BLTP3B: variants seen among roughly 807,000 people sequenced by gnomAD.
The protein encoded by BLTP3B is bridge-like lipid transfer protein family member 3B, also known as UHRF1 (ICBP90) binding protein 1-like.
At chr12:100,102,703 T>C in the BLTP3B span, 11 of 492,538 alleles carry the variant, frequency 2.2e-5, no homozygotes, top group African/African-American at 2.6e-4. Flanking sequence ...GTTAAGGCTT[T>C]TTTTTTTTTT....
chr12:100,058,789 G>A, the BLTP3B span: 1 of 1,613,966 alleles, frequency 6.2e-7, no homozygotes, highest in Non-Finnish European at 8.5e-7. Flanking sequence ...GACTCATGCA[G>A]GAAAAGTAGA....
the BLTP3B span, chr12:100,070,303 TGA>T: frequency 9.5e-7 from 1 of 1,050,508 alleles, no homozygotes; most frequent in Non-Finnish European, 1.2e-6. Flanking sequence ...TTTTTTTTTT[TGA>T]GACGGAGTTT....
chr12:100,116,062 C>T, the BLTP3B span, among the ~76,000 whole-genome samples: 2 of 151,654 alleles, frequency 1.3e-5, no homozygotes, highest in African/African-American at 4.9e-5. Flanking sequence ...ATCCCAGTTA[C>T]TCAGGAGGCT....
At chr12:100,057,515 T>A in the BLTP3B span, 20 of 1,414,218 alleles carry the variant, frequency 1.4e-5, no homozygotes, top group African/African-American at 2.9e-5. Context: ...AAGCATCCCT[T>A]TTCTCCTAAG....
chr12:100,080,289 G>A, the BLTP3B span, among the ~76,000 whole-genome samples: 10 of 152,096 alleles, frequency 6.6e-5, no homozygotes, highest in Non-Finnish European at 1.2e-4. Flanking sequence ...GCAGCCAAGA[G>A]GAAGGCTGTA....
At chr12:100,089,715 G>C in the BLTP3B span, among the ~76,000 whole-genome samples, 1 of 152,134 alleles carries the variant, frequency 6.6e-6, no homozygotes, top group East Asian at 1.9e-4. Flanking sequence ...CTTAAAGGCA[G>C]TTTATTTGAA....
chr12:100,071,945 A>G, the BLTP3B span, among the ~76,000 whole-genome samples: 1 of 152,268 alleles, frequency 6.6e-6, no homozygotes, highest in South Asian at 2.1e-4. Context: ...AGTAAGTTGA[A>G]TATCTGGAAT....
At chr12:100,139,328 T>C in the BLTP3B span, among the ~76,000 whole-genome samples, 1 of 152,186 alleles carries the variant, frequency 6.6e-6, no homozygotes, top group Non-Finnish European at 1.5e-5. Flanking sequence ...GCTTCTCAAG[T>C]CCCTTCATCC....
the BLTP3B span, among the ~76,000 whole-genome samples, chr12:100,140,720 AAAAAAAAAAAT>A: frequency 6.5e-5 from 8 of 123,618 alleles, no homozygotes; most frequent in African/African-American, 2.1e-4. Flanking sequence ...AAAAAAAAAA[AAAAAAAAAAAT>A]ATATATATAT....
chr12:100,049,179 G>A, the BLTP3B span, among the ~76,000 whole-genome samples: 1 of 152,000 alleles, frequency 6.6e-6, no homozygotes, highest in Non-Finnish European at 1.5e-5. Context: ...ATACCAAAAG[G>A]TGGACCAAAA....
chr12:100,061,790 G>C, the BLTP3B span, among the ~76,000 whole-genome samples: 1 of 152,042 alleles, frequency 6.6e-6, no homozygotes, highest in African/African-American at 2.4e-5. Context: ...TATCACGAAG[G>C]GAAAGAAGCA....
At chr12:100,134,458 T>C in the BLTP3B span, among the ~76,000 whole-genome samples, 2 of 150,674 alleles carry the variant, frequency 1.3e-5, no homozygotes, top group Non-Finnish European at 3.0e-5. Context: ...ATAAAAAATG[T>C]AAAAAAAAAT....
At chr12:100,109,159 CCTCTCTCT>C in the BLTP3B span, among the ~76,000 whole-genome samples, 6,349 of 65,166 alleles carry the variant, frequency 0.097, 325 homozygotes, top group Admixed American at 0.16. Context: ...TGGCAGTTTT[CCTCTCTCT>C]CTCTCTCTCT....
At chr12:100,092,012 T>C in the BLTP3B span, among the ~76,000 whole-genome samples, 1 of 152,052 alleles carries the variant, frequency 6.6e-6, no homozygotes, top group South Asian at 2.1e-4. Flanking sequence ...TTTCACCATG[T>C]TGGCCAGGCT....
chr12:100,107,454 T>A, the BLTP3B span, among the ~76,000 whole-genome samples: 1 of 151,356 alleles, frequency 6.6e-6, no homozygotes, highest in African/African-American at 2.4e-5. Context: ...GCCAACATGG[T>A]GAAACCCCAT....
chr12:100,072,577 T>G, the BLTP3B span: 1 of 1,078,236 alleles, frequency 9.3e-7, no homozygotes, highest in Non-Finnish European at 1.3e-6. Context: ...CAATACAGTT[T>G]TATTTATTTT....
the BLTP3B span, among the ~76,000 whole-genome samples, chr12:100,042,811 G>GT: frequency 1.3e-5 from 2 of 152,162 alleles, no homozygotes; most frequent in African/African-American, 4.8e-5. Flanking sequence ...AAGTTTGTTT[G>GT]TTTTTTGAGA....
chr12:100,108,617 T>C, the BLTP3B span: 2 of 1,329,412 alleles, frequency 1.5e-6, no homozygotes, highest in South Asian at 1.5e-5. Context: ...TTTTTTCAAA[T>C]ATACAGAGAA....
chr12:100,136,874 C>G, the BLTP3B span, among the ~76,000 whole-genome samples: 1 of 151,884 alleles, frequency 6.6e-6, no homozygotes. Flanking sequence ...TGCAATGGCC[C>G]GATCTCAGCT....
Sources: gnomAD v4.1 joint callset for allele counts (sites outside exome capture counted in the v4.1 genomes callset) on GRCh38, gnomAD v4.1.1 for gene constraint, MANE v1.5 for transcripts, NCBI Gene and HGNC (gene_info 2026-07-23, HGNC 2026-07-21) for gene names.